CDYL: variants seen among roughly 807,000 people sequenced by gnomAD.
CDYL encodes chromodomain Y-like protein.
A neutral mutation model predicts 47.3 loss-of-function variants in CDYL; 8 were observed. The observed-to-expected ratio is 0.17, with a 90% CI of 0.10 to 0.31. CDYL has a LOEUF of 0.31. CDYL is among the 10% of genes least tolerant of loss of function. The pLI is 1.00. For missense variants in CDYL, 471 were observed against 701.4 expected, an observed-to-expected ratio of 0.67 and a Z score of 3.71; for synonymous variants, 266 against 265.0, an observed-to-expected ratio of 1.00 and a Z score of -0.04.
At chr6:4,715,769 G>C in exon 2 of CDYL, 1 of 1,613,992 alleles carries the variant, frequency 6.2e-7, no homozygotes, top group Non-Finnish European at 8.5e-7. Flanking sequence ...AGAGCCCCCG[G>C]AAGAATTTTA....
intron 1 of CDYL, among the ~76,000 whole-genome samples, chr6:4,790,759 T>C (rs868409647): frequency 1.4e-4 from 21 of 152,324 alleles, no homozygotes; most frequent in Middle Eastern, 3.4e-3. Flanking sequence ...ATGAATAAGC[T>C]TTGTACGAGG....
At chr6:4,865,525 G>A (rs1761296756) in intron 1 of CDYL, among the ~76,000 whole-genome samples, 1 of 152,154 alleles carries the variant, frequency 6.6e-6, no homozygotes, top group South Asian at 2.1e-4. Context: ...TTCGAGTGCT[G>A]TTTTCTTGCA....
intron 2 of CDYL, among the ~76,000 whole-genome samples, chr6:4,900,779 G>GTGTGTATACATATATATATA: frequency 3.9e-5 from 2 of 51,706 alleles, no homozygotes; most frequent in African/African-American, 1.3e-4. Context: ...GTATACGTGT[G>GTGTGTATACATATATATATA]TATATATATA....
chr6:4,891,850 C>A lies in CDYL; in HGVS notation c.162C>A (p.Asp54Glu). 6.2e-7 allele frequency: 1 copy of A among 1,614,182 alleles called. No individual in the cohort carries two copies. Among genetic ancestry groups the A allele is most frequent in the African/African-American group, 1.3e-5 (1 of 75,038 alleles). ...HLVNCEEYIHDFNRRHTEKQK... is the reference protein window; with the variant it reads ...HLVNCEEYIHEFNRRHTEKQK... Reference sequence around the variant, plus strand: ...TGAACTGTGAGGAATACATCCACGACTTCAACAGACGCCACACGGAGAAGC... The same window carrying A: ...TGAACTGTGAGGAATACATCCACGAATTCAACAGACGCCACACGGAGAAGC... The change falls in exon 2 of 7, where the codon GAC becomes GAA. Residue 54 changes from aspartate to glutamate, a missense_variant. Physicochemically the swap from Asp to Glu is conservative, Grantham distance 45. Around this residue, in one of 3 missense-constraint regions of CDYL, gnomAD observed 311 missense variants for 350.0 expected, o/e 0.89. Transcript: ENST00000397588.
chr6:4,835,925 G>T (rs533661365), intron 1 of CDYL, among the ~76,000 whole-genome samples: 4 of 152,152 alleles, frequency 2.6e-5, no homozygotes, highest in Admixed American at 1.3e-4. Flanking sequence ...TTTTAAGCCC[G>T]TCAGAAAAGC....
intron 3 of CDYL, among the ~76,000 whole-genome samples, chr6:4,754,234 A>C (rs1000345639): frequency 6.6e-6 from 1 of 152,238 alleles, no homozygotes; most frequent in African/African-American, 2.4e-5. Context: ...GTCTTTAAGC[A>C]AACTATTTTC....
chr6:4,879,659 A>G (rs917456739), intron 1 of CDYL, among the ~76,000 whole-genome samples: 6 of 150,134 alleles, frequency 4.0e-5, no homozygotes, highest in African/African-American at 1.2e-4. Flanking sequence ...CCCGGGTTCA[A>G]GCAATTCCCC....
intron 1 of CDYL, among the ~76,000 whole-genome samples, chr6:4,803,365 T>C (rs1050687426): frequency 2.0e-5 from 3 of 152,334 alleles, no homozygotes; most frequent in Middle Eastern, 3.4e-3. Flanking sequence ...CACTTAGTTT[T>C]CTCTTGGCTA....
chr6:4,707,247 A>G (rs1757063139), intron 1 of CDYL, among the ~76,000 whole-genome samples: 1 of 152,180 alleles, frequency 6.6e-6, no homozygotes, highest in Admixed American at 6.5e-5. Flanking sequence ...TAGTGAGCAA[A>G]TGACTAAACT....
At chr6:4,935,837 G>A (rs1758175856) in intron 3 of CDYL, 66 bp downstream of exon 3, 1 of 1,594,994 alleles carries the variant, frequency 6.3e-7, no homozygotes, top group Admixed American at 1.7e-5. Flanking sequence ...AGGCCTGCCT[G>A]GCTGAACTGG....
intron 1 of CDYL, among the ~76,000 whole-genome samples, chr6:4,818,118 T>G (rs1759724429): frequency 6.6e-6 from 1 of 152,162 alleles, no homozygotes; most frequent in Admixed American, 6.5e-5. Context: ...CAGCTGGGTA[T>G]GGTGGCACAT....
At chr6:4,806,485 T>A (rs1759373641) in intron 1 of CDYL, among the ~76,000 whole-genome samples, 2 of 152,250 alleles carry the variant, frequency 1.3e-5, no homozygotes, top group African/African-American at 4.8e-5. Flanking sequence ...GTAAAAATGA[T>A]ACAGCATTCT....
At chr6:4,797,449 G>A (rs77834077) in intron 1 of CDYL, among the ~76,000 whole-genome samples, 14,459 of 143,968 alleles carry the variant, frequency 0.1, 2,338 homozygotes, top group African/African-American at 0.35. Context: ...TTGAGATATA[G>A]TTCACATACC....
intron 3 of CDYL, among the ~76,000 whole-genome samples, chr6:4,753,100 C>CG (rs955476710): frequency 6.6e-6 from 1 of 151,918 alleles, no homozygotes; most frequent in Non-Finnish European, 1.5e-5. Flanking sequence ...CTGGTAGAGA[C>CG]GGGGTTTTGC....
At chr6:4,724,064 A>T (rs1054895136) in intron 2 of CDYL, among the ~76,000 whole-genome samples, 11 of 152,008 alleles carry the variant, frequency 7.2e-5, no homozygotes, top group East Asian at 3.9e-4. Context: ...CGTTTGAGAG[A>T]GTCTTGCTCT....
chr6:4,846,407 A>T (rs543186665), intron 1 of CDYL, among the ~76,000 whole-genome samples: 7 of 152,320 alleles, frequency 4.6e-5, no homozygotes, highest in Admixed American at 1.3e-4. Flanking sequence ...TAAAATACAA[A>T]CAATCAAAAC....
At chr6:4,899,453 TC>T (rs1362117989) in intron 2 of CDYL, among the ~76,000 whole-genome samples, 1 of 152,184 alleles carries the variant, frequency 6.6e-6, no homozygotes, top group Non-Finnish European at 1.5e-5. Flanking sequence ...GCGGAGAAGT[TC>T]CTAGACAAAA....
At chr6:4,833,835 C>T (rs1164738155) in intron 1 of CDYL, among the ~76,000 whole-genome samples, 1 of 151,992 alleles carries the variant, frequency 6.6e-6, no homozygotes, top group Non-Finnish European at 1.5e-5. Context: ...TAATGGCCTT[C>T]TTTGTCTCCT....
At chr6:4,934,498 G>A (rs1045850742) in intron 2 of CDYL, among the ~76,000 whole-genome samples, 1 of 152,106 alleles carries the variant, frequency 6.6e-6, no homozygotes, top group Non-Finnish European at 1.5e-5. Context: ...AAATATTTCT[G>A]ATTCATAATT....
Sources: gnomAD v4.1 joint callset for allele counts (sites outside exome capture counted in the v4.1 genomes callset) on GRCh38, gnomAD v4.1.1 for gene constraint, gnomAD v4.1.1 regional missense constraint, MANE v1.5 for transcripts, NCBI Gene and HGNC (gene_info 2026-07-23, HGNC 2026-07-21) for gene names.